Variants in SLFN13 observed in about 807,000 individuals in gnomAD.
SLFN13 encodes the protein schlafen family member 13.
A neutral mutation model predicts 50.6 loss-of-function variants in SLFN13; 43 were observed. That is an observed-to-expected ratio of 0.85 (90% CI 0.67 to 1.09). SLFN13 has a LOEUF of 1.09. SLFN13 is among the 50% of genes least tolerant of loss of function. The probability of loss-of-function intolerance (pLI) is 0.00; values close to 1 mark genes in which losing one functional copy is unlikely to be tolerated. For synonymous variants in SLFN13, 339 were observed against 386.5 expected (o/e 0.88, Z 1.44); for missense variants, 881 against 1,071.1 (o/e 0.82, Z 2.48).
Position 35,440,550 on chromosome 17 carries a change from A to G in SLFN13, c.*45T>C, listed in dbSNP as rs1286406488. On this transcript the variant is annotated 3_prime_UTR_variant, in exon 6 of 6. Transcript: ENST00000285013. Reference sequence around the variant, plus strand: ...ACCATCAGCAGACTGTCACCCATAGACATTTACACAGTATTTTGGTTTGGA... The same window carrying G: ...ACCATCAGCAGACTGTCACCCATAGGCATTTACACAGTATTTTGGTTTGGA... 1 of 1,593,442 alleles carries G rather than the reference A, an allele frequency of 6.3e-7. No homozygotes were observed. The highest frequency in any genetic ancestry group is 8.6e-7 in the Non-Finnish European group (1 of 1,165,390).
rs963631482 is a variant in SLFN13 at position 35,448,757 on chromosome 17, C to T, written c.-196G>A. The T allele has an allele frequency of 7.9e-5, 12 of 152,434 alleles. No individual in the cohort carries two copies. The highest frequency in any genetic ancestry group is 2.0e-4 in the Admixed American group (3 of 15,308). The allele number at this position is 152,434 out of a possible 1,614,324, so 9.4% of individuals were successfully genotyped here. Reference sequence around the variant, plus strand: ...CCAGCGCGTCAAGCTCCAGGACACTCCGCGTTTCCCTGGAGGCGCCAAGGT... The same window carrying T: ...CCAGCGCGTCAAGCTCCAGGACACTTCGCGTTTCCCTGGAGGCGCCAAGGT... On this transcript the variant is annotated 5_prime_UTR_variant, in exon 1 of 6. Transcript: ENST00000285013.
rs774996937 is a variant in SLFN13, at chr17:35,444,936, C to T, written c.745G>A (p.Val249Met). The T allele has an allele frequency of 1.2e-6, 2 of 1,614,070 alleles. No homozygotes were observed. Among genetic ancestry groups the T allele is most frequent in the African/African-American group, 2.7e-5 (2 of 74,924 alleles). Residue 249 changes from valine to methionine, a missense_variant, in exon 3 of 6, where the codon GTG becomes ATG. This residue lies in a region of SLFN13 where 497 missense variants were observed against 518.3 expected (regional missense o/e 0.96). Coordinates refer to ENST00000285013, the MANE Select transcript of SLFN13 (RefSeq NM_144682.6). ...AGGACTTTCCTACTCTTATCATCCA[C>T]TCCAATAAAAAGATAGCCTCCCTCA... ...NTEGGYLFIGVDDKSRKVLGC... is the reference protein window; with the variant it reads ...NTEGGYLFIGMDDKSRKVLGC...
Position 35,441,141 on chromosome 17 carries a change from G to A in SLFN13, c.2148C>T (p.Pro716=), listed in dbSNP as rs929574305. 1.2e-5 allele frequency: 20 copies of A among 1,613,940 alleles called. No homozygotes were observed. The highest frequency in any genetic ancestry group is 6.7e-5 in the African/African-American group (5 of 74,912). ...QTSHLGHSGL[P]PLSAQYPREE... is the part of the protein sequence containing the mutation. Reference sequence around the variant, plus strand: ...CTCTTGGATACTGTGCTGAGAGAGGGGGAAGGCCACTGTGACCCAAGTGAC... The same window carrying A: ...CTCTTGGATACTGTGCTGAGAGAGGAGGAAGGCCACTGTGACCCAAGTGAC... The change falls in exon 6 of 6, where the codon CCC becomes CCT. Residue 716 remains proline (P), a synonymous_variant. Coordinates refer to ENST00000285013, the MANE Select transcript of SLFN13 (RefSeq NM_144682.6).
intron 3 of SLFN13, among the ~76,000 whole-genome samples, 188 bp from the exon 4 acceptor site, chr17:35,444,108 T>A (rs1015690888): frequency 1.3e-5 from 2 of 152,238 alleles, no homozygotes; most frequent in African/African-American, 4.8e-5. Context: ...CTTTTTCTGA[T>A]CCTTGAATGG....
chr17:35,446,660 T>A (rs1313792177), intron 2 of SLFN13: 1 of 152,212 alleles, frequency 6.6e-6, no homozygotes, highest in Non-Finnish European at 1.5e-5. Flanking sequence ...TGACATTATT[T>A]TACAATGGGT....
At position 35,441,983 on chromosome 17, in the gene SLFN13, A is replaced by G. The variant is rs201628689; in HGVS notation, c.1502T>C (p.Met501Thr). Reference protein sequence around the residue: ...AFTLKQKLVNMGGYTGKVCVR... With the variant: ...AFTLKQKLVNTGGYTGKVCVR... ...ACACACCTTCCCGGTGTAGCCCCCC[A>G]TGTTCACTAGCTTCTGCTTCAAAGT... Residue 501 changes from methionine to threonine, a missense_variant, in exon 5 of 6, where the codon ATG becomes ACG. By Grantham distance (81) the Met-to-Thr change is moderately conservative. This residue lies in a region of SLFN13 where 22 missense variants were observed against 132.0 expected (regional missense o/e 0.17). Transcript: ENST00000285013. 2.7e-5 allele frequency: 44 copies of G among 1,614,158 alleles called. No homozygotes were observed. The East Asian group carries it at 6.5e-4, about 24-fold the overall frequency.
chr17:35,440,782 A>G lies in SLFN13; in HGVS notation c.2507T>C (p.Val836Ala). 6.2e-7 allele frequency: 1 copy of G among 1,614,088 alleles called. No individual in the cohort carries two copies. The change falls in exon 6 of 6, where the codon GTG (valine) becomes GCG (alanine). Residue 836 changes from valine to alanine, a missense_variant. Coordinates refer to ENST00000285013, the MANE Select transcript of SLFN13 (RefSeq NM_144682.6). ...LLKAMRKKMV[V>A]QLSDACDMLG... is the part of the protein sequence containing the mutation. ...CATATCACATGCATCACTGAGCTGCACCACCATTTTCTTCCTCATTGCTTT... is the reference window on the plus strand; with the variant it reads ...CATATCACATGCATCACTGAGCTGCGCCACCATTTTCTTCCTCATTGCTTT...
chr17:35,442,980 G>C (rs996466443), intron 4 of SLFN13, among the ~76,000 whole-genome samples: 1 of 152,166 alleles, frequency 6.6e-6, no homozygotes, highest in African/African-American at 2.4e-5. Flanking sequence ...AAACTATTTG[G>C]TGGTAAACAG....
Position 35,435,587 on chromosome 17 carries a change from G to A in SLFN13, c.*5008C>T, listed in dbSNP as rs950675079. On this transcript the variant is annotated 3_prime_UTR_variant, in exon 6 of 6. Transcript: ENST00000285013. ...GTGTGAGCCACCATGCTGGCTTGCTGTTTGTTCATGCTGTAAATTCCCTTT... is the reference window on the plus strand; with the variant it reads ...GTGTGAGCCACCATGCTGGCTTGCTATTTGTTCATGCTGTAAATTCCCTTT... 2.0e-5 allele frequency: 3 copies of A among 152,020 alleles called. No individual in the cohort carries two copies. Among genetic ancestry groups the A allele is most frequent in the African/African-American group, 7.2e-5 (3 of 41,404 alleles). 9.4% of individuals were successfully genotyped at this position (152,020 alleles called of 1,614,324 possible). A position where few individuals can be genotyped will look rare whatever the true frequency, so the allele number is the denominator to read the frequency against.
chr17:35,445,025 G>A lies in SLFN13; in HGVS notation c.656C>T (p.Thr219Ile). Residue 219 changes from threonine (T) to isoleucine (I), a missense_variant, in exon 3 of 6, where the codon ACA (threonine) becomes ATA (isoleucine). Physicochemically the swap from Thr to Ile is moderately conservative, Grantham distance 89. Transcript: ENST00000285013. ...SPSIEFKQFS[T>I]KHIQQYVENI... ...TTCTACATATTGTTGGATATGTTTT[G>A]TAGAGAACTGTTTAAACTCTATGGA... 1 of 1,614,114 alleles carries A rather than the reference G, an allele frequency of 6.2e-7. No individual in the cohort carries two copies. Among genetic ancestry groups the A allele is most frequent in the East Asian group, 2.2e-5 (1 of 44,886 alleles).
rs8072510 is a variant in SLFN13, at chr17:35,445,639, G to T, written c.42C>A (p.Tyr14Ter). The T allele has an allele frequency of 0.096, 154,874 of 1,613,830 alleles. 7,997 individuals are homozygous for T. Among genetic ancestry groups the T allele is most frequent in the East Asian group, 0.15 (6,660 of 44,876 alleles). Residue 14 changes from tyrosine to a stop codon, truncating the protein, a stop_gained, in exon 3 of 6, where the codon TAC becomes TAA. Transcript: ENST00000285013. LOFTEE classifies it high-confidence loss of function. ...CTCCGACATCGATGACCAGGTCTGG[G>T]TAAGATGGATACACACCCAGGGAGC... Reference protein sequence around the residue: ...NHCSLGVYPSYPDLVIDVGEV... With the variant: ...NHCSLGVYPS
rs558349546 is a variant in SLFN13 at position 35,438,932 on chromosome 17, G to T, written c.*1663C>A. The T allele has an allele frequency of 5.3e-5, 8 of 152,026 alleles. No homozygotes were observed. The East Asian group carries it at 9.6e-4, about 18-fold the overall frequency. The allele number at this position is 152,026 out of a possible 1,614,324, so 9.4% of individuals were successfully genotyped here. On this transcript the variant is annotated 3_prime_UTR_variant, in exon 6 of 6. Coordinates refer to ENST00000285013, the MANE Select transcript of SLFN13 (RefSeq NM_144682.6). ...TATCAGTGTTTTTAGTTTGATGAAT[G>T]ATCATACAGCTGTGTTCTCAGGCTG...
chr17:35,441,034 G>A lies in SLFN13; in HGVS notation c.2255C>T (p.Pro752Leu), dbSNP rs528985270. 1.9e-5 allele frequency: 30 copies of A among 1,613,244 alleles called. No homozygotes were observed. Among genetic ancestry groups the A allele is most frequent in the Non-Finnish European group, 2.5e-5 (30 of 1,180,014 alleles). ...ATACCCATGGGGGATATTAATTGGA[G>A]GATTTTCTATAATTAGTTGCATTTC... ...QQEMQLIIEN[P>L]PINIPHGYLA... Residue 752 changes from proline (P) to leucine (L), a missense_variant, in exon 6 of 6, where the codon CCT becomes CTT. By Grantham distance (98) the Pro-to-Leu change is moderately conservative (BLOSUM62 -3). Coordinates refer to ENST00000285013, the MANE Select transcript of SLFN13 (RefSeq NM_144682.6).
chr17:35,439,056 G>C lies in SLFN13; in HGVS notation c.*1539C>G, dbSNP rs765646507. ...CGAAGACATAGGTGCCAGCAGGGTG[G>C]GGGGGGGGGTTCATTGTGAGGCTTC... On this transcript the variant is annotated 3_prime_UTR_variant, in exon 6 of 6. Transcript: ENST00000285013. The C allele has an allele frequency of 3.3e-4, 15 of 45,628 alleles. No homozygotes were observed. Among genetic ancestry groups the C allele is most frequent in the Non-Finnish European group, 5.0e-4 (12 of 23,802 alleles). The allele number at this position is 45,628 out of a possible 1,614,324, so 2.8% of individuals were successfully genotyped here.
chr17:35,444,486 A>G (rs770602106), intron 3 of SLFN13, 129 bp downstream of exon 3: 14 of 820,646 alleles, frequency 1.7e-5, no homozygotes, highest in African/African-American at 3.4e-5. Flanking sequence ...CCCATCTATG[A>G]AAAGCATGGA....
chr17:35,444,098 C>T, intron 3 of SLFN13, 178 bp from the exon 4 acceptor site: 1 of 548,016 alleles, frequency 1.8e-6, no homozygotes. Context: ...ATTAAAAGCC[C>T]TTTTTCTGAT....
At position 35,440,904 on chromosome 17, in the gene SLFN13, G is replaced by A. The variant is rs372271389; in HGVS notation, c.2385C>T (p.Thr795=). The A allele has an allele frequency of 6.2e-7, 1 of 1,614,058 alleles. No individual in the cohort carries two copies. The highest frequency in any genetic ancestry group is 8.5e-7 in the Non-Finnish European group (1 of 1,180,016). Residue 795 remains threonine, a synonymous_variant, in exon 6 of 6, where the codon ACC becomes ACT. Transcript: ENST00000285013. ...LEQIVTYVAD[T]CRCFFERGYS... ...AGCCCCTTTCAAAGAAGCACCTGCA[G>A]GTGTCTGCCACATAGGTCACTATTT...
upstream of SLFN13, chr17:35,448,801 G>A (rs16970988): frequency 0.034 from 5,109 of 152,388 alleles, 141 homozygotes; most frequent in East Asian, 0.15. Context: ...TATAACCAAT[G>A]GTTGGCGCCT....
At position 35,441,327 on chromosome 17, in the gene SLFN13, G is replaced by A. The variant is rs763354486; in HGVS notation, c.1962C>T (p.Phe654=). The change falls in exon 6 of 6, where the codon TTC becomes TTT. Residue 654 remains phenylalanine (F), a synonymous_variant. Coordinates refer to ENST00000285013, the MANE Select transcript of SLFN13 (RefSeq NM_144682.6). The part of the protein sequence containing the change: ...NICRAETRET[F]LREKFEHIQH... ...GAATGTGTTCAAATTTTTCTCTTAGGAAAGTTTCCCGGGTCTCTGCTCGGC... is the reference window on the plus strand; with the variant it reads ...GAATGTGTTCAAATTTTTCTCTTAGAAAAGTTTCCCGGGTCTCTGCTCGGC... The A allele has an allele frequency of 5.0e-6, 8 of 1,611,808 alleles. No individual in the cohort carries two copies. The highest frequency in any genetic ancestry group is 6.8e-6 in the Non-Finnish European group (8 of 1,179,382).
Sources: gnomAD v4.1 joint callset for allele counts (sites outside exome capture counted in the v4.1 genomes callset) on GRCh38, gnomAD v4.1.1 for gene constraint, gnomAD v4.1.1 regional missense constraint, MANE v1.5 for transcripts, NCBI Gene and HGNC (gene_info 2026-07-23, HGNC 2026-07-21) for gene names.